The following MRPL1 variants were observed in gnomAD, a reference collection of about 807,000 sequenced individuals.
MRPL1 encodes large ribosomal subunit protein uL1m.
In MRPL1, 28 loss-of-function variants were observed where a neutral mutation model predicts 38.0. That is an observed-to-expected ratio of 0.74 (90% CI 0.55 to 1.01). MRPL1 has a LOEUF of 1.01. MRPL1 is among the 50% of genes least tolerant of loss of function. MRPL1 has a pLI of 0.00. For missense variants in MRPL1, 358 were observed against 389.8 expected, an observed-to-expected ratio of 0.92 and a Z score of 0.69; for synonymous variants, 123 against 126.7, an observed-to-expected ratio of 0.97 and a Z score of 0.20.
intron 5 of MRPL1, among the ~76,000 whole-genome samples, chr4:77,890,910 A>G (rs1026029209): frequency 6.6e-6 from 1 of 152,138 alleles, no homozygotes; most frequent in Non-Finnish European, 1.5e-5. Context: ...CCCATATTCA[A>G]ATTTTCATTT....
At chr4:77,926,221 C>T (rs536525814) in intron 7 of MRPL1, among the ~76,000 whole-genome samples, 3 of 152,204 alleles carry the variant, frequency 2.0e-5, no homozygotes, top group Non-Finnish European at 2.9e-5. Flanking sequence ...CAGCACATGA[C>T]TGGAGAGATT....
At chr4:77,926,265 G>C (rs938827888) in intron 7 of MRPL1, among the ~76,000 whole-genome samples, 1 of 152,184 alleles carries the variant, frequency 6.6e-6, no homozygotes, top group East Asian at 1.9e-4. Flanking sequence ...GGGAGATCAG[G>C]AGTTGAAACT....
intron 1 of MRPL1, among the ~76,000 whole-genome samples, chr4:77,867,965 C>G (rs1735187979): frequency 6.6e-6 from 1 of 151,766 alleles, no homozygotes; most frequent in African/African-American, 2.4e-5. Context: ...ACCGTGTTAG[C>G]CAGGATGGTC....
At chr4:77,938,237 C>T (rs1002461358) in intron 7 of MRPL1, among the ~76,000 whole-genome samples, 7 of 152,202 alleles carry the variant, frequency 4.6e-5, no homozygotes, top group African/African-American at 1.7e-4. Context: ...TGACAGAGGC[C>T]ATTTGGCCTG....
chr4:77,917,865 G>A (rs1005315880), intron 7 of MRPL1, among the ~76,000 whole-genome samples: 4 of 152,000 alleles, frequency 2.6e-5, no homozygotes, highest in Non-Finnish European at 5.9e-5. Flanking sequence ...AAACCAGCCC[G>A]GCCAACAAGG....
At chr4:77,886,437 T>C (rs1168989001) in intron 4 of MRPL1, among the ~76,000 whole-genome samples, 2 of 151,478 alleles carry the variant, frequency 1.3e-5, no homozygotes, top group African/African-American at 4.9e-5. Flanking sequence ...TGGGTTCAAG[T>C]GATTCTCTTG....
chr4:77,942,276 GCCTAT>G (rs1737154190), intron 7 of MRPL1, among the ~76,000 whole-genome samples: 1 of 152,058 alleles, frequency 6.6e-6, no homozygotes, highest in African/African-American at 2.4e-5. Flanking sequence ...TTGTTTTATG[GCCTAT>G]CCTATGATCT....
At chr4:77,909,868 C>T (rs1026850975) in intron 7 of MRPL1, among the ~76,000 whole-genome samples, 3 of 152,064 alleles carry the variant, frequency 2.0e-5, no homozygotes, top group Non-Finnish European at 2.9e-5. Flanking sequence ...TTTCCAAAGC[C>T]ATTTTTAGGA....
chr4:77,866,405 A>G (rs1293181035), intron 1 of MRPL1, among the ~76,000 whole-genome samples: 3 of 152,230 alleles, frequency 2.0e-5, no homozygotes, highest in Non-Finnish European at 2.9e-5. Context: ...GTGATAAAAT[A>G]TTAACTTACT....
At chr4:77,935,868 G>T (rs993158421) in intron 7 of MRPL1, among the ~76,000 whole-genome samples, 3 of 150,078 alleles carry the variant, frequency 2.0e-5, no homozygotes, top group Non-Finnish European at 4.4e-5. Flanking sequence ...CGAGGCAGAG[G>T]TTGCAGTGAG....
chr4:77,951,557 T>C (rs2110270852), intron 8 of MRPL1, among the ~76,000 whole-genome samples: 1 of 152,308 alleles, frequency 6.6e-6, no homozygotes, highest in African/African-American at 2.4e-5. Flanking sequence ...AAATATGACA[T>C]GAGTTCTATA....
intron 1 of MRPL1, among the ~76,000 whole-genome samples, chr4:77,868,879 G>A (rs752024429): frequency 9.2e-5 from 14 of 152,196 alleles, no homozygotes; most frequent in Non-Finnish European, 1.9e-4. Flanking sequence ...AGCTCGTGGA[G>A]TACCTTGGTA....
At position 77,896,806 on chromosome 4, in the gene MRPL1, C is replaced by A. The variant is rs557435767; in HGVS notation, c.670+2556C>A. On this transcript the variant is annotated intron_variant, in intron 6 of 8. Transcript: ENST00000315567. ...TTTTAATTGCTTACATAACTGTAGG[C>A]AAGTTCTTTGTTTTTCAAATGCACA... 2.0e-5 allele frequency among the ~76,000 whole-genome samples: 3 copies of A among 152,152 alleles called. No individual in the cohort carries two copies. The East Asian group carries it at 5.8e-4, about 29-fold the overall frequency.
chr4:77,910,121 G>A (rs1736252814), intron 7 of MRPL1, among the ~76,000 whole-genome samples: 1 of 152,160 alleles, frequency 6.6e-6, no homozygotes, highest in East Asian at 1.9e-4. Flanking sequence ...TTAATTGTTA[G>A]CCATATGAGA....
intron 4 of MRPL1, among the ~76,000 whole-genome samples, chr4:77,886,564 C>T (rs1215107966): frequency 6.6e-6 from 1 of 152,008 alleles, no homozygotes; most frequent in Non-Finnish European, 1.5e-5. Context: ...GAGCTCCTGA[C>T]CTTAGGTGAC....
chr4:77,932,927 C>A (rs915127346), intron 7 of MRPL1, among the ~76,000 whole-genome samples: 2 of 150,134 alleles, frequency 1.3e-5, no homozygotes, highest in Non-Finnish European at 3.0e-5. Flanking sequence ...GAGAAGGGAA[C>A]TTTCCTTTTT....
At chr4:77,947,865 A>C (rs1737307905) in intron 7 of MRPL1, among the ~76,000 whole-genome samples, 2 of 152,220 alleles carry the variant, frequency 1.3e-5, no homozygotes, top group African/African-American at 2.4e-5. Context: ...AGTAGAGGGC[A>C]CAGTACTATA....
At chr4:77,883,723 G>A (rs1475615516) in intron 3 of MRPL1, among the ~76,000 whole-genome samples, 2 of 152,032 alleles carry the variant, frequency 1.3e-5, no homozygotes, top group African/African-American at 2.4e-5. Flanking sequence ...GACTACAGGT[G>A]TGTTCTACCA....
chr4:77,919,907 A>T (rs1051222984), intron 7 of MRPL1, among the ~76,000 whole-genome samples: 1 of 151,746 alleles, frequency 6.6e-6, no homozygotes, highest in African/African-American at 2.4e-5. Flanking sequence ...GGCTGAATCC[A>T]GTTGGGTAGA....
Sources: allele counts gnomAD v4.1 joint callset (sites outside exome capture counted in the v4.1 genomes callset), GRCh38; gene constraint gnomAD v4.1.1; transcripts MANE v1.5; gene names NCBI Gene and HGNC (gene_info 2026-07-23, HGNC 2026-07-21).